FYB1: variants seen among roughly 807,000 people sequenced by gnomAD.
FYB1 encodes FYN binding protein 1, also known as FYN-binding protein 1.
In FYB1, 41 loss-of-function variants were observed where a neutral mutation model predicts 94.1. That is an observed-to-expected ratio of 0.44 (90% confidence interval 0.34 to 0.57). The LOEUF (loss-of-function observed/expected upper bound fraction) is 0.57, where lower values mean the gene tolerates loss of function less well. Ranked by LOEUF, FYB1 falls within the 20% of genes least tolerant of loss-of-function variation. FYB1 has a pLI of 0.02. For synonymous variants in FYB1, 367 were observed against 353.2 expected (o/e 1.04, Z -0.44); for missense variants, 1,050 against 976.8 (o/e 1.07, Z -1.00).
intron 2 of FYB1, among the ~76,000 whole-genome samples, chr5:39,177,279 C>T (rs1453548252): frequency 1.3e-5 from 2 of 152,088 alleles, no homozygotes; most frequent in Non-Finnish European, 2.9e-5. Context: ...TACTATTGTG[C>T]GCCTGCTACC....
At chr5:39,155,137 CT>C (rs565007225) in intron 2 of FYB1, among the ~76,000 whole-genome samples, 9 of 152,298 alleles carry the variant, frequency 5.9e-5, no homozygotes, top group African/African-American at 2.2e-4. Flanking sequence ...TGTAAATTTC[CT>C]TAGAAGGGTA....
chr5:39,128,256 G>T (rs1458568992), intron 10 of FYB1, among the ~76,000 whole-genome samples: 2 of 151,998 alleles, frequency 1.3e-5, no homozygotes, highest in Non-Finnish European at 2.9e-5. Context: ...AGAAAGAAGT[G>T]AAAAGTGACT....
chr5:39,182,622 G>A (rs1384514968), intron 2 of FYB1, among the ~76,000 whole-genome samples: 1 of 152,158 alleles, frequency 6.6e-6, no homozygotes, highest in African/African-American at 2.4e-5. Flanking sequence ...TTGCTAGGTA[G>A]TTCATCATAG....
intron 2 of FYB1, among the ~76,000 whole-genome samples, chr5:39,164,821 G>A (rs1330123825): frequency 1.3e-5 from 2 of 152,214 alleles, no homozygotes; most frequent in African/African-American, 4.8e-5. Context: ...GTTCATCCAG[G>A]AAGCAAGCTT....
At chr5:39,137,914 T>C (rs1741801309) in intron 6 of FYB1, 194 bp from the exon 7 acceptor site, 2 of 628,470 alleles carry the variant, frequency 3.2e-6, no homozygotes, top group Admixed American at 3.3e-5. Context: ...CTGCTGAGGA[T>C]ACCTTCCAAA....
In FYB1 at chr5:39,153,571, G is replaced by A. The variant is rs1304761254; in HGVS notation, c.1169C>T (p.Thr390Ile). The A allele has an allele frequency of 6.2e-7, 1 of 1,613,804 alleles. No homozygotes were observed. The highest frequency in any genetic ancestry group is 1.3e-5 in the African/African-American group (1 of 75,022). ...GGATGGTGGAGGTGGTGGCAGGGAA[G>A]TTGTTGAGTAAGACGTCTGGCCTTT... ...TSKGQTSYST[T>I]SLPPPPPSHP... Residue 390 changes from threonine (T) to isoleucine (I), a missense_variant, in exon 3 of 19, where the codon ACT (threonine) becomes ATT (isoleucine). By Grantham distance (89) the Thr-to-Ile change is moderately conservative (BLOSUM62 -1). Coordinates refer to ENST00000512982, the MANE Select transcript of FYB1 (RefSeq NM_001465.6).
intron 2 of FYB1, among the ~76,000 whole-genome samples, chr5:39,201,583 C>A (rs1309707068): frequency 6.6e-6 from 1 of 152,134 alleles, no homozygotes; most frequent in East Asian, 1.9e-4. Context: ...GAAGTGGATG[C>A]ATTCCCTCTC....
At chr5:39,187,632 G>T (rs1181066206) in intron 2 of FYB1, among the ~76,000 whole-genome samples, 1 of 152,176 alleles carries the variant, frequency 6.6e-6, no homozygotes, top group Non-Finnish European at 1.5e-5. Flanking sequence ...TTGGGCAGGT[G>T]GGAAGGGGTA....
intron 2 of FYB1, among the ~76,000 whole-genome samples, chr5:39,156,036 G>A (rs1743718813): frequency 1.3e-5 from 2 of 152,064 alleles, no homozygotes; most frequent in Admixed American, 1.3e-4. Context: ...CAAATAGAGA[G>A]AAAAATATTT....
intron 1 of FYB1, among the ~76,000 whole-genome samples, chr5:39,257,311 TA>T (rs1751980094): frequency 6.6e-6 from 1 of 152,114 alleles, no homozygotes; most frequent in Non-Finnish European, 1.5e-5. Flanking sequence ...GTAGGACTTA[TA>T]AAGCAAAGGT....
intron 1 of FYB1, among the ~76,000 whole-genome samples, chr5:39,240,103 G>C (rs1184203076): frequency 6.6e-6 from 1 of 152,126 alleles, no homozygotes; most frequent in African/African-American, 2.4e-5. Context: ...AATGGTGCTG[G>C]GATAACTTGC....
chr5:39,123,475 GT>G lies in FYB1; in HGVS notation c.2071+777del, dbSNP rs556462329. Among the ~76,000 whole-genome samples, 1,025 of 152,188 alleles carry G rather than the reference GT, an allele frequency of 6.7e-3. 2 individuals are homozygous for G. The highest frequency in any genetic ancestry group is 0.011 in the Non-Finnish European group (737 of 67,976). On this transcript the variant is annotated intron_variant, in intron 13 of 18. Transcript: ENST00000512982. ...TCATTTTATACCCACTTTTTGAGGA[GT>G]TAATTTTTTTGAATACTTTAAAAAT...
intron 2 of FYB1, among the ~76,000 whole-genome samples, chr5:39,168,368 A>C (rs1744931073): frequency 6.6e-6 from 1 of 152,208 alleles, no homozygotes. Context: ...GAGACAAGTA[A>C]AGGTGTATTT....
rs1580437543 is a variant in FYB1, at chr5:39,166,270, G to C, written c.1136-12666C>G. 1.4e-4 allele frequency among the ~76,000 whole-genome samples: 22 copies of C among 151,924 alleles called. No individual in the cohort carries two copies. The South Asian group carries it at 4.4e-3, about 30-fold the overall frequency. On this transcript the variant is annotated intron_variant, in intron 2 of 18. Coordinates refer to ENST00000512982, the MANE Select transcript of FYB1 (RefSeq NM_001465.6). ...TGACCAACATGGTGAAACCCCTTCT[G>C]TCCTAAAAATACAAAATTATCCGGG... is the stretch of plus-strand genomic sequence containing the variant.
At chr5:39,143,571 A>G (rs759249811) in intron 3 of FYB1, among the ~76,000 whole-genome samples, 29 of 151,290 alleles carry the variant, frequency 1.9e-4, no homozygotes, top group Non-Finnish European at 4.0e-4. Context: ...ACACAAAAAT[A>G]TGATTATATC....
At chr5:39,230,912 G>C (rs1484187768) in intron 1 of FYB1, among the ~76,000 whole-genome samples, 1 of 151,434 alleles carries the variant, frequency 6.6e-6, no homozygotes, top group Non-Finnish European at 1.5e-5. Flanking sequence ...TATATTAGTA[G>C]AGTGAATGGA....
intron 17 of FYB1, among the ~76,000 whole-genome samples, chr5:39,109,716 A>G (rs542818503): frequency 6.6e-6 from 1 of 152,178 alleles, no homozygotes; most frequent in East Asian, 1.9e-4. Flanking sequence ...CTGATAATGG[A>G]GTTCGTTTCT....
intron 1 of FYB1, among the ~76,000 whole-genome samples, chr5:39,256,730 T>C (rs999921174): frequency 1.3e-5 from 2 of 152,220 alleles, no homozygotes; most frequent in Non-Finnish European, 2.9e-5. Context: ...GCAGTGTTTA[T>C]TGCAGCTGTA....
intron 2 of FYB1, among the ~76,000 whole-genome samples, chr5:39,172,110 C>A (rs1745301178): frequency 6.6e-6 from 1 of 152,098 alleles, no homozygotes; most frequent in Non-Finnish European, 1.5e-5. Context: ...GGAACAGAAT[C>A]AGACAAAGCA....
Sources: allele counts gnomAD v4.1 joint callset (sites outside exome capture counted in the v4.1 genomes callset), GRCh38; gene constraint gnomAD v4.1.1; transcripts MANE v1.5; gene names NCBI Gene and HGNC (gene_info 2026-07-23, HGNC 2026-07-21).